Variants in NLGN1 observed in about 807,000 individuals in gnomAD.
The protein encoded by NLGN1 is neuroligin 1, also known as neuroligin-1.
A neutral mutation model predicts 65.5 loss-of-function variants in NLGN1; 12 were observed. The observed-to-expected ratio is 0.18, with a 90% confidence interval of 0.12 to 0.30. NLGN1 has a LOEUF of 0.30. Ranked by LOEUF, NLGN1 falls within the 10% of genes least tolerant of loss-of-function variation. NLGN1 has a pLI of 1.00. For synonymous variants in NLGN1, 350 were observed against 359.5 expected (o/e 0.97, Z 0.30); for missense variants, 750 against 1,007.1 (o/e 0.74, Z 3.46).
chr3:173,490,182 T>C (rs1474623382), intron 2 of NLGN1, among the ~76,000 whole-genome samples: 1 of 151,858 alleles, frequency 6.6e-6, no homozygotes, highest in East Asian at 1.9e-4. Context: ...CTAAATGGTA[T>C]TTTTTTATTG....
Position 173,420,468 on chromosome 3 carries a change from A to G in NLGN1, c.-389-14542A>G, listed in dbSNP as rs933815345. Among the ~76,000 whole-genome samples, 11 of 151,962 alleles carry G rather than the reference A, an allele frequency of 7.2e-5. No homozygotes were observed. The South Asian group carries it at 8.3e-4, about 11-fold the overall frequency. On this transcript the variant is annotated intron_variant, in intron 1 of 6. Transcript: ENST00000457714. ...TATATGTGCCACATTTTCTTAATCC[A>G]GTCTATCATTGTTGGACATTTGGGT...
chr3:173,891,994 C>G (rs1050460522), intron 4 of NLGN1, among the ~76,000 whole-genome samples: 1 of 152,156 alleles, frequency 6.6e-6, no homozygotes, highest in Non-Finnish European at 1.5e-5. Context: ...TTTCTAGAAG[C>G]AGGAGTCACA....
chr3:173,862,208 A>G (rs1031037567), intron 4 of NLGN1, among the ~76,000 whole-genome samples: 2 of 152,036 alleles, frequency 1.3e-5, no homozygotes, highest in African/African-American at 4.8e-5. Flanking sequence ...ATGTGCTGAT[A>G]TGGAAAGAGG....
At chr3:173,397,045 C>T (rs1432533677), upstream of NLGN1, among the ~76,000 whole-genome samples, 1 of 152,104 alleles carries the variant, frequency 6.6e-6, no homozygotes, top group South Asian at 2.1e-4. Flanking sequence ...CTCACCCTAT[C>T]CTCTGATGAA....
At chr3:174,134,879 G>A (rs958179061) in intron 4 of NLGN1, among the ~76,000 whole-genome samples, 4 of 152,078 alleles carry the variant, frequency 2.6e-5, no homozygotes, top group African/African-American at 7.2e-5. Context: ...GCAAATTTTT[G>A]GAAGCATATG....
At chr3:174,052,991 C>G (rs1735248854) in intron 4 of NLGN1, among the ~76,000 whole-genome samples, 1 of 151,908 alleles carries the variant, frequency 6.6e-6, no homozygotes, top group Non-Finnish European at 1.5e-5. Flanking sequence ...CCTATGAAGG[C>G]CATTATGGAA....
chr3:173,604,760 G>C, exon 3 of NLGN1: 6 of 1,613,686 alleles, frequency 3.7e-6, no homozygotes, highest in Non-Finnish European at 5.1e-6. Context: ...TGGACCCACT[G>C]GTGGCTACCA....
intron 4 of NLGN1, among the ~76,000 whole-genome samples, chr3:173,928,514 A>G (rs1159999629): frequency 6.6e-6 from 1 of 152,198 alleles, no homozygotes; most frequent in African/African-American, 2.4e-5. Context: ...ATGACACATG[A>G]AAGGCACTTA....
At chr3:174,007,345 C>A (rs1280132111) in intron 4 of NLGN1, among the ~76,000 whole-genome samples, 1 of 152,114 alleles carries the variant, frequency 6.6e-6, no homozygotes, top group African/African-American at 2.4e-5. Context: ...CTTCTTCTGT[C>A]CTTTATGGTC....
chr3:174,229,335 C>A (rs1282074772), intron 4 of NLGN1, among the ~76,000 whole-genome samples: 1 of 152,044 alleles, frequency 6.6e-6, no homozygotes, highest in African/African-American at 2.4e-5. Context: ...TGTGCAATCT[C>A]AGTTTCCTCA....
intron 3 of NLGN1, among the ~76,000 whole-genome samples, chr3:173,724,844 T>C (rs1771492279): frequency 6.6e-6 from 1 of 152,214 alleles, no homozygotes; most frequent in South Asian, 2.1e-4. Flanking sequence ...CATGGAATAC[T>C]ATGCAGCCAT....
chr3:174,029,959 A>C (rs1373987331), intron 4 of NLGN1, among the ~76,000 whole-genome samples: 4 of 152,162 alleles, frequency 2.6e-5, no homozygotes, highest in Admixed American at 2.0e-4. Flanking sequence ...TAAATTACCC[A>C]GTCTCAGCTA....
intron 4 of NLGN1, among the ~76,000 whole-genome samples, chr3:173,864,262 T>C (rs1027914743): frequency 2.0e-5 from 3 of 152,210 alleles, no homozygotes; most frequent in African/African-American, 7.2e-5. Flanking sequence ...TATAAATTTG[T>C]CCTAGTTCAA....
intron 3 of NLGN1, among the ~76,000 whole-genome samples, chr3:173,680,717 A>G (rs1004674180): frequency 1.3e-5 from 2 of 152,278 alleles, no homozygotes. Flanking sequence ...AGGAGAGGAC[A>G]TTGGTTGACA....
chr3:173,603,178 C>A (rs1750822255), intron 2 of NLGN1, among the ~76,000 whole-genome samples: 1 of 152,238 alleles, frequency 6.6e-6, no homozygotes, highest in Non-Finnish European at 1.5e-5. Context: ...ATCTCTAATA[C>A]AAATCAACAC....
At chr3:174,011,480 A>T (rs1309829099) in intron 4 of NLGN1, among the ~76,000 whole-genome samples, 1 of 152,196 alleles carries the variant, frequency 6.6e-6, no homozygotes, top group Non-Finnish European at 1.5e-5. Context: ...AACAATGAAT[A>T]TAAATGCAAA....
In NLGN1 at chr3:173,505,745, T is replaced by C. The variant is rs1391631818; in HGVS notation, c.-321+70667T>C. Among the ~76,000 whole-genome samples, 4 of 152,230 alleles carry C rather than the reference T, an allele frequency of 2.6e-5. No homozygotes were observed. The East Asian group carries it at 5.8e-4, about 22-fold the overall frequency. ...GATCTTCTTGTTATCCTAACTGTCATTGGCAGTCGATTCCTCTCTGTCACT... is the reference window on the plus strand; with the variant it reads ...GATCTTCTTGTTATCCTAACTGTCACTGGCAGTCGATTCCTCTCTGTCACT... On this transcript the variant is annotated intron_variant, in intron 2 of 6. Coordinates refer to ENST00000457714, the Ensembl canonical transcript of NLGN1.
Position 173,977,648 on chromosome 3 carries a change from G to GA in NLGN1, c.646+169825dup, listed in dbSNP as rs200182034. Among the ~76,000 whole-genome samples the GA allele has an allele frequency of 2.6e-4, 39 of 150,454 alleles. No individual in the cohort carries two copies. The East Asian group carries it at 5.3e-3, about 20-fold the overall frequency. ...TCTAGTGGTGCTATTTATTGACCTA[G>GA]AAAAAAAAATGGACAAAGCACAAAC... On this transcript the variant is annotated intron_variant, in intron 4 of 6. Coordinates refer to ENST00000457714, the Ensembl canonical transcript of NLGN1.
At chr3:173,996,290 C>A (rs1201740093) in intron 4 of NLGN1, among the ~76,000 whole-genome samples, 1 of 152,120 alleles carries the variant, frequency 6.6e-6, no homozygotes, top group Non-Finnish European at 1.5e-5. Flanking sequence ...AGTGCAAGGA[C>A]ATGCTGTTTT....
Sources: gnomAD v4.1 joint callset for allele counts (sites outside exome capture counted in the v4.1 genomes callset) on GRCh38, gnomAD v4.1.1 for gene constraint, MANE v1.5 for transcripts, NCBI Gene and HGNC (gene_info 2026-07-23, HGNC 2026-07-21) for gene names.